The following PTPRB variants were observed in gnomAD, a reference collection of about 807,000 sequenced individuals.
The protein encoded by PTPRB is protein tyrosine phosphatase receptor type B.
In PTPRB, 97 loss-of-function variants were observed where a neutral mutation model predicts 238.1. The ratio of observed to expected loss-of-function variants is 0.41; its 90% CI spans 0.35 to 0.48. The LOEUF (loss-of-function observed/expected upper bound fraction) is 0.48. Ranked by LOEUF, PTPRB falls within the 20% of genes least tolerant of loss-of-function variation. The pLI is 0.30. For synonymous variants in PTPRB, 970 were observed against 995.4 expected (o/e 0.97, Z 0.48); for missense variants, 2,292 against 2,681.9 (o/e 0.85, Z 3.21).
At chr12:70,587,843 G>C (rs1882072410) in intron 8 of PTPRB, among the ~76,000 whole-genome samples, 2 of 152,126 alleles carry the variant, frequency 1.3e-5, no homozygotes, top group Admixed American at 6.6e-5. Context: ...GCTCACATCT[G>C]TAATCCCAGC....
At chr12:70,523,625 G>A (rs746641069) in intron 33 of PTPRB, among the ~76,000 whole-genome samples, 7 of 152,084 alleles carry the variant, frequency 4.6e-5, no homozygotes, top group Admixed American at 2.0e-4. Flanking sequence ...AGCTAGGCTG[G>A]AAGAGATACC....
chr12:70,536,129 T>A lies in PTPRB; in HGVS notation c.5977A>T (p.Thr1993Ser), dbSNP rs749657518. Reference sequence around the variant, plus strand: ...TTGGTGCCAGGAAGCGGTCCCTGAGTGACAATGTATTCTCTTCTGAAGTTG... The same window carrying A: ...TTGGTGCCAGGAAGCGGTCCCTGAGAGACAATGTATTCTCTTCTGAAGTTG... ...GNNFRREYIV[T>S]QGPLPGTKDD... The change falls in exon 29 of 34, where the codon ACT (threonine) becomes TCT (serine). Residue 1993 changes from threonine to serine, a missense_variant. By Grantham distance (58) the Thr-to-Ser change is moderately conservative. Around this residue, in one of 4 missense-constraint regions of PTPRB, gnomAD observed 397 missense variants for 502.0 expected, o/e 0.79. Coordinates refer to ENST00000334414, the MANE Select transcript of PTPRB (RefSeq NM_001109754.4). The A allele has an allele frequency of 6.2e-7, 1 of 1,613,760 alleles. No homozygotes were observed. The highest frequency in any genetic ancestry group is 8.5e-7 in the Non-Finnish European group (1 of 1,179,772).
intron 3 of PTPRB, among the ~76,000 whole-genome samples, chr12:70,616,825 C>T (rs1440433227): frequency 6.6e-6 from 1 of 152,290 alleles, no homozygotes; most frequent in Non-Finnish European, 1.5e-5. Context: ...TGCATGTGTT[C>T]TGTTCATGGT....
chr12:70,556,128 G>C lies in PTPRB; in HGVS notation c.4735C>G (p.Leu1579Val). 1 of 1,613,424 alleles carries C rather than the reference G, an allele frequency of 6.2e-7. No homozygotes were observed. The highest frequency in any genetic ancestry group is 8.5e-7 in the Non-Finnish European group (1 of 1,179,512). Residue 1579 changes from leucine (L) to valine (V), a missense_variant, in exon 19 of 34, where the codon CTG becomes GTG. Leu to Val is a conservative substitution (Grantham distance 32). Coordinates refer to ENST00000334414, the MANE Select transcript of PTPRB (RefSeq NM_001109754.4). ...GTGGAGTTCTGAGGCCGGCAATGCA[G>C]GTTTTGTATCTTGTCAGGCTCTAAA... ...VRTKPDKIQN[L>V]HCRPQNSTAI...
chr12:70,562,944 G>A lies in PTPRB; in HGVS notation c.4068C>T (p.Ser1356=). The A allele has an allele frequency of 1.2e-6, 2 of 1,614,022 alleles. No individual in the cohort carries two copies. Among genetic ancestry groups the A allele is most frequent in the East Asian group, 2.2e-5 (1 of 44,882 alleles). ...CTTGTAGCAAGTTCTGGAAAGAGAA[G>A]CTCTGGACTAGTGGGTCAACTTGAG... ...ERAQVDPLVQ[S]FSFQNLLQGR... is the part of the protein sequence containing the mutation. The change falls in exon 16 of 34, where the codon AGC becomes AGT. Residue 1356 remains serine, a synonymous_variant. Coordinates refer to ENST00000334414, the MANE Select transcript of PTPRB (RefSeq NM_001109754.4).
chr12:70,556,520 A>G (rs566470935), intron 18 of PTPRB, among the ~76,000 whole-genome samples: 88 of 152,354 alleles, frequency 5.8e-4, no homozygotes, highest in African/African-American at 2.1e-3. Flanking sequence ...TCGAAGGACC[A>G]TGGAACAACC....
rs370325258 is a variant in PTPRB at position 70,566,428 on chromosome 12, T to G, written c.3904+7A>C. ...TGTGCTACAAAACATTATGCTGTGC[T>G]AATTACCTGTTCGGCCTTCAGTCTG... On this transcript the variant is annotated splice_region_variant and intron_variant, in intron 15 of 33. Coordinates refer to ENST00000334414, the MANE Select transcript of PTPRB (RefSeq NM_001109754.4). 1.1e-5 allele frequency: 18 copies of G among 1,613,434 alleles called. No individual in the cohort carries two copies. The highest frequency in any genetic ancestry group is 1.5e-5 in the Non-Finnish European group (18 of 1,179,616).
rs758795567 is a variant in PTPRB, at chr12:70,519,904, G to T, written c.*1585C>A. 2.9e-5 allele frequency: 5 copies of T among 171,286 alleles called. No individual in the cohort carries two copies. The highest frequency in any genetic ancestry group is 1.3e-4 in the South Asian group (1 of 7,722). The allele number at this position is 171,286 out of a possible 1,614,324, so 10.6% of individuals were successfully genotyped here. ...AACCTTGGAAAAATTTCCAGATTGG[G>T]TGTAGAGTTATTTAATTATAAAGAA... On this transcript the variant is annotated 3_prime_UTR_variant, in exon 34 of 34. Transcript: ENST00000334414.
chr12:70,521,471 A>G lies in PTPRB; in HGVS notation c.*18T>C, dbSNP rs942497815. On this transcript the variant is annotated 3_prime_UTR_variant, in exon 34 of 34. Coordinates refer to ENST00000334414, the MANE Select transcript of PTPRB (RefSeq NM_001109754.4). ...ACACAGTGAATAATTTTTATCCAGG[A>G]GCTCTTCAGGTACATTCTCAATGCC... 4 of 1,527,120 alleles carry G rather than the reference A, an allele frequency of 2.6e-6. No homozygotes were observed. The highest frequency in any genetic ancestry group is 2.8e-5 in the African/African-American group (2 of 72,102). The allele number at this position is 1,527,120 out of a possible 1,614,324, so 94.6% of individuals were successfully genotyped here.
In PTPRB at chr12:70,540,866, C is replaced by T. The variant is rs1178556932; in HGVS notation, c.5586G>A (p.Gln1862=). 1 of 1,598,466 alleles carries T rather than the reference C, an allele frequency of 6.3e-7. No individual in the cohort carries two copies. Among genetic ancestry groups the T allele is most frequent in the Admixed American group, 1.7e-5 (1 of 57,638 alleles). Residue 1862 remains glutamine (Q), a synonymous_variant, in exon 23 of 34, where the codon CAG becomes CAA. Transcript: ENST00000334414. The part of the protein sequence containing the change: ...VAVVALLICR[Q]KVSHGRERPS... ...AGGATCTTTGTACTTACCTCACTTT[C>T]TGTCTGCAGATCAATAAGGCAACAA... is the stretch of plus-strand genomic sequence containing the variant.
chr12:70,631,233 A>G (rs1885438104), intron 2 of PTPRB, among the ~76,000 whole-genome samples: 1 of 152,210 alleles, frequency 6.6e-6, no homozygotes, highest in Non-Finnish European at 1.5e-5. Flanking sequence ...AAACAGAGAT[A>G]TAGACCAATG....
At chr12:70,626,050 A>G (rs1481476210) in intron 2 of PTPRB, among the ~76,000 whole-genome samples, 1 of 152,148 alleles carries the variant, frequency 6.6e-6, no homozygotes, top group Non-Finnish European at 1.5e-5. Flanking sequence ...AAAAATTTTT[A>G]TAAAGATAAT....
intron 20 of PTPRB, 142 bp from the exon 21 acceptor site, chr12:70,553,162 A>G: frequency 9.4e-7 from 1 of 1,059,358 alleles, no homozygotes; most frequent in Non-Finnish European, 1.4e-6. Context: ...ATCTCAAAGA[A>G]CGATGTGAAA....
chr12:70,533,419 A>T (rs1873598818), intron 31 of PTPRB, among the ~76,000 whole-genome samples: 1 of 152,146 alleles, frequency 6.6e-6, no homozygotes, highest in Non-Finnish European at 1.5e-5. Context: ...TATTAGTGCC[A>T]TTCAGTTAGG....
At chr12:70,539,530 T>G in intron 26 of PTPRB, 95 bp downstream of exon 26, 2 of 1,004,584 alleles carry the variant, frequency 2.0e-6, no homozygotes, top group Non-Finnish European at 3.0e-6. Context: ...TCCTAACTTC[T>G]GAGCTCAATC....
chr12:70,606,805 A>G (rs1436283222), intron 4 of PTPRB, among the ~76,000 whole-genome samples: 1 of 152,244 alleles, frequency 6.6e-6, no homozygotes, highest in Non-Finnish European at 1.5e-5. Flanking sequence ...AACCGACTAA[A>G]AAATTCCTCC....
intron 5 of PTPRB, among the ~76,000 whole-genome samples, chr12:70,595,418 T>C (rs1257769437): frequency 6.6e-6 from 1 of 152,164 alleles, no homozygotes; most frequent in Non-Finnish European, 1.5e-5. Flanking sequence ...CTGCATGTTC[T>C]GCACATGTAT....
intron 21 of PTPRB, among the ~76,000 whole-genome samples, chr12:70,550,463 CTATGGGGAA>C (rs1876713498): frequency 6.6e-6 from 1 of 152,120 alleles, no homozygotes; most frequent in South Asian, 2.1e-4. Flanking sequence ...TGAATGGGAA[CTATGGGGAA>C]ACCTTAATTT....
intron 3 of PTPRB, among the ~76,000 whole-genome samples, chr12:70,616,896 G>C (rs934024404): frequency 2.0e-5 from 3 of 152,158 alleles, no homozygotes; most frequent in African/African-American, 7.2e-5. Context: ...ATTGACTCCA[G>C]GACCCTTATG....
Sources: allele counts gnomAD v4.1 joint callset (sites outside exome capture counted in the v4.1 genomes callset), GRCh38; gene constraint gnomAD v4.1.1; regional missense constraint gnomAD v4.1.1; transcripts MANE v1.5; gene names NCBI Gene and HGNC (gene_info 2026-07-23, HGNC 2026-07-21).